The following TTC21B variants were observed in gnomAD, a reference collection of about 807,000 sequenced individuals.
The protein encoded by TTC21B is tetratricopeptide repeat domain 21B.
Under a neutral mutation model 175.1 loss-of-function variants are expected in TTC21B, and 127 were observed. The ratio of observed to expected loss-of-function variants is 0.73; its 90% CI spans 0.63 to 0.84. The LOEUF is 0.84. Among genes scored for constraint, TTC21B ranks in the 40% least tolerant of loss-of-function variants. The probability of loss-of-function intolerance (pLI) is 0.00; values close to 1 mark genes in which losing one functional copy is unlikely to be tolerated. For missense variants in TTC21B, 1,561 were observed against 1,558.3 expected (o/e 1.00, Z -0.03); for synonymous variants, 524 against 524.5 (o/e 1.00, Z 0.01).
rs187985767 is a variant in TTC21B, at chr2:165,929,326, A to G, written c.1195T>C (p.Tyr399His). Residue 399 changes from tyrosine (Y) to histidine (H), a missense_variant, in exon 11 of 29, where the codon TAT becomes CAT. By Grantham distance (83) the Tyr-to-His change is moderately conservative. Coordinates refer to ENST00000243344, the MANE Select transcript of TTC21B (RefSeq NM_024753.5). The part of the protein sequence containing the change: ...QSIGKSAELI[Y>H]LHAVLAMKKN... ...TTCATGGCAAGAACTGCATGTAAAT[A>G]GATTAATTCCTAGAAAATAAGTAGT... 41 of 1,604,294 alleles carry G rather than the reference A, an allele frequency of 2.6e-5. No homozygotes were observed. The Admixed American group carries it at 5.9e-4, about 23-fold the overall frequency.
chr2:165,892,777 G>A (rs1262503845), intron 22 of TTC21B, among the ~76,000 whole-genome samples: 1 of 152,132 alleles, frequency 6.6e-6, no homozygotes, highest in Non-Finnish European at 1.5e-5. Context: ...AACGCAAAAC[G>A]TTGATGGATA....
chr2:165,912,154 G>GA (rs557613588), intron 17 of TTC21B, among the ~76,000 whole-genome samples: 27 of 149,944 alleles, frequency 1.8e-4, no homozygotes, highest in Non-Finnish European at 2.2e-4. Context: ...TCCCTTACTG[G>GA]AAAAAAAAAT....
intron 15 of TTC21B, 105 bp downstream of exon 15, chr2:165,915,096 C>G: frequency 1.1e-6 from 1 of 934,012 alleles, no homozygotes; most frequent in South Asian, 1.4e-5. Flanking sequence ...AGAAAACGAT[C>G]TGTAAAGTAT....
rs745621762 is a variant in TTC21B at position 165,890,988 on chromosome 2, T to G, written c.2951A>C (p.Asp984Ala). The G allele has an allele frequency of 3.7e-6, 6 of 1,610,704 alleles. No homozygotes were observed. The highest frequency in any genetic ancestry group is 5.1e-6 in the Non-Finnish European group (6 of 1,177,150). The change falls in exon 23 of 29, where the codon GAT (aspartate) becomes GCT (alanine). Residue 984 changes from aspartate to alanine, a missense_variant and splice_region_variant. Coordinates refer to ENST00000243344, the MANE Select transcript of TTC21B (RefSeq NM_024753.5). ...CAAACGAGATAATGTCATATAATTA[T>G]CTAGAAACAAATAATACTTCAGATA... ...HLQQLLERKPDNYMTLSRLID... is the reference protein window; with the variant it reads ...HLQQLLERKPANYMTLSRLID...
At chr2:165,885,266 A>G (rs1306919271) in intron 25 of TTC21B, among the ~76,000 whole-genome samples, 1 of 152,212 alleles carries the variant, frequency 6.6e-6, no homozygotes, top group Admixed American at 6.5e-5. Context: ...GAATACTGCA[A>G]AAGGAGAGTG....
chr2:165,893,520 C>T (rs1685265299), intron 22 of TTC21B, among the ~76,000 whole-genome samples: 1 of 152,108 alleles, frequency 6.6e-6, no homozygotes, highest in Non-Finnish European at 1.5e-5. Context: ...TTAACCATGA[C>T]ATTTGACAGA....
At chr2:165,888,901 G>A (rs868016969) in intron 24 of TTC21B, among the ~76,000 whole-genome samples, 48 of 138,082 alleles carry the variant, frequency 3.5e-4, no homozygotes, top group African/African-American at 1.2e-3. Context: ...TTACACACAG[G>A]AAAACTGAGG....
At chr2:165,931,529 C>T (rs764414014) in intron 8 of TTC21B, among the ~76,000 whole-genome samples, 13 of 152,120 alleles carry the variant, frequency 8.5e-5, no homozygotes, top group Non-Finnish European at 1.9e-4. Flanking sequence ...GAAGGCACTT[C>T]GCTATGCTTA....
intron 17 of TTC21B, among the ~76,000 whole-genome samples, 190 bp from the exon 18 acceptor site, chr2:165,911,655 AAT>A (rs1192034254): frequency 7.1e-6 from 1 of 140,800 alleles, no homozygotes; most frequent in African/African-American, 2.9e-5. Context: ...TGAAACAACT[AAT>A]ATATATATAT....
chr2:165,953,527 G>A (rs1158123677), intron 1 of TTC21B, among the ~76,000 whole-genome samples, 158 bp downstream of exon 1: 1 of 152,222 alleles, frequency 6.6e-6, no homozygotes, highest in Non-Finnish European at 1.5e-5. Flanking sequence ...CGTGAGCAGA[G>A]GCTGCAGGCC....
intron 24 of TTC21B, among the ~76,000 whole-genome samples, chr2:165,889,965 T>C (rs1044518015): frequency 6.6e-5 from 10 of 152,152 alleles, no homozygotes. Context: ...AACCATTGAC[T>C]AGCAGTATAC....
intron 6 of TTC21B, among the ~76,000 whole-genome samples, chr2:165,937,079 C>A (rs1198706059): frequency 6.6e-6 from 1 of 151,622 alleles, no homozygotes; most frequent in Admixed American, 6.6e-5. Flanking sequence ...TGTGGTACAT[C>A]GAAACAATGA....
In TTC21B at chr2:165,930,299, G is replaced by A; in HGVS notation, c.960C>T (p.Asn320=). Reference sequence around the variant, plus strand: ...CTGTAGCAAATTCTGATTGCTGAGGGTTTAAACTAAAAGCTCTCTCAAGTA... The same window carrying A: ...CTGTAGCAAATTCTGATTGCTGAGGATTTAAACTAAAAGCTCTCTCAAGTA... ...QTLLERAFSL[N]PQQSEFATEL... Residue 320 remains asparagine, a synonymous_variant, in exon 9 of 29, where the codon AAC becomes AAT. Transcript: ENST00000243344. The A allele has an allele frequency of 1.2e-6, 2 of 1,612,914 alleles. No homozygotes were observed. Among genetic ancestry groups the A allele is most frequent in the South Asian group, 1.1e-5 (1 of 91,014 alleles).
chr2:165,919,999 G>C (rs1295373455), intron 12 of TTC21B, among the ~76,000 whole-genome samples: 1 of 152,108 alleles, frequency 6.6e-6, no homozygotes, highest in Non-Finnish European at 1.5e-5. Flanking sequence ...TTATATATCT[G>C]GGAGTCTTAA....
intron 4 of TTC21B, among the ~76,000 whole-genome samples, chr2:165,944,562 C>A (rs1357730465): frequency 6.6e-6 from 1 of 152,164 alleles, no homozygotes; most frequent in Non-Finnish European, 1.5e-5. Flanking sequence ...CAAGCCACTT[C>A]ATCCAAGAAA....
intron 12 of TTC21B, among the ~76,000 whole-genome samples, chr2:165,922,260 T>C (rs2105333070): frequency 6.6e-6 from 1 of 152,278 alleles, no homozygotes; most frequent in South Asian, 2.1e-4. Context: ...TTAGTGTCAC[T>C]TCTTACAATT....
At chr2:165,882,284 A>G (rs529644423) in intron 26 of TTC21B, among the ~76,000 whole-genome samples, 17 of 152,334 alleles carry the variant, frequency 1.1e-4, no homozygotes, top group South Asian at 4.1e-4. Context: ...TGGTTAACCA[A>G]TTCTGTACAG....
chr2:165,902,229 G>GT (rs1491300893), intron 19 of TTC21B, among the ~76,000 whole-genome samples: 1 of 152,220 alleles, frequency 6.6e-6, no homozygotes, highest in African/African-American at 2.4e-5. Flanking sequence ...CTTCCTCAGA[G>GT]TAAGAATGTA....
At chr2:165,940,295 A>G (rs1029240659) in intron 6 of TTC21B, among the ~76,000 whole-genome samples, 66 of 152,274 alleles carry the variant, frequency 4.3e-4, no homozygotes, top group African/African-American at 1.5e-3. Context: ...TGTTTTGCAC[A>G]TGGCAGAGTG....
Sources: gnomAD v4.1 joint callset for allele counts (sites outside exome capture counted in the v4.1 genomes callset) on GRCh38, gnomAD v4.1.1 for gene constraint, MANE v1.5 for transcripts, NCBI Gene and HGNC (gene_info 2026-07-23, HGNC 2026-07-21) for gene names.